The following AMER2 variants were observed in gnomAD, a reference collection of about 807,000 sequenced individuals.
AMER2 encodes family with sequence similarity 123A.
Under a neutral mutation model 4.7 loss-of-function variants are expected in AMER2, and 1 was observed. That is an observed-to-expected ratio of 0.21 (90% confidence interval 0.07 to 1.00). The LOEUF (loss-of-function observed/expected upper bound fraction) is 1.00. Among genes scored for constraint, AMER2 ranks in the 50% least tolerant of loss-of-function variants. The probability of loss-of-function intolerance (pLI) is 0.60; values close to 1 mark genes in which losing one functional copy is unlikely to be tolerated. For synonymous variants in AMER2, 485 were observed against 433.3 expected (o/e 1.12, Z -1.48); for missense variants, 988 against 966.9 (o/e 1.02, Z -0.29).
Position 25,171,210 on chromosome 13 carries a change from GGCCGCCCCCC to G in AMER2, c.400_409del (p.Gly134ArgfsTer31), listed in dbSNP as rs1431421456. 4 of 1,385,608 alleles carry G rather than the reference GGCCGCCCCCC, an allele frequency of 2.9e-6. No homozygotes were observed. Among genetic ancestry groups the G allele is most frequent in the South Asian group, 1.8e-5 (1 of 56,004 alleles). The allele number at this position is 1,385,608 out of a possible 1,614,324, so 85.8% of individuals were successfully genotyped here. On this transcript the variant is annotated frameshift_variant, in exon 1 of 1. Coordinates refer to ENST00000515384, the MANE Select transcript of AMER2 (RefSeq NM_152704.4). LOFTEE classifies it low-confidence loss of function (END_TRUNC). This position sits in a 1 kb window ranked among gnomAD's most constrained non-coding sequence, Gnocchi z 5.9. ...TGCGGCTCTGGGGGGCCCCGGGTTC[GGCCGCCCCCC>G]GCCGCCCCCGCCGCTGTCGCCCCCG...
rs1956451236 is a variant in AMER2 at position 25,164,318 on chromosome 13, C to T, written c.*5286G>A. On this transcript the variant is annotated 3_prime_UTR_variant, in exon 1 of 1. Transcript: ENST00000515384. ...ACAACAGAAGAGATTTCTGTCTGTACTTCCCACATTAATCCTAAGAGAAGA... is the reference window on the plus strand; with the variant it reads ...ACAACAGAAGAGATTTCTGTCTGTATTTCCCACATTAATCCTAAGAGAAGA... 1 of 151,980 alleles carries T rather than the reference C, an allele frequency of 6.6e-6. No homozygotes were observed. Among genetic ancestry groups the T allele is most frequent in the Non-Finnish European group, 1.5e-5 (1 of 68,018 alleles). The allele number at this position is 151,980 out of a possible 1,614,324, so 9.4% of individuals were successfully genotyped here.
chr13:25,165,685 A>G lies in AMER2; in HGVS notation c.*3919T>C, dbSNP rs1361569. The G allele has an allele frequency of 0.86, 130,682 of 152,272 alleles. 57,228 individuals carry two copies. Among genetic ancestry groups the G allele is most frequent in the South Asian group, 0.96 (4,652 of 4,828 alleles). The allele number at this position is 152,272 out of a possible 1,614,324, so 9.4% of individuals were successfully genotyped here. On this transcript the variant is annotated 3_prime_UTR_variant, in exon 1 of 1. Transcript: ENST00000515384. ...TGCTTATTCCTTATGTTTAACAGCA[A>G]AAAACTTCTTGAATTAATTTCTTAA...
rs2487593 is a variant in AMER2, at chr13:25,162,119, T to A, written c.*7485A>T. ...ATAACATCTATAAACCTACTAACAA[T>A]TTTCCTCCTGTGCACAAAAATAATA... On this transcript the variant is annotated 3_prime_UTR_variant, in exon 1 of 1. Coordinates refer to ENST00000515384, the MANE Select transcript of AMER2 (RefSeq NM_152704.4). The A allele has an allele frequency of 6.6e-6, 1 of 152,128 alleles. No individual in the cohort carries two copies. Among genetic ancestry groups the A allele is most frequent in the African/African-American group, 2.4e-5 (1 of 41,416 alleles). 9.4% of individuals were successfully genotyped at this position (152,128 alleles called of 1,614,324 possible). A position where few individuals can be genotyped will look rare whatever the true frequency, so the allele number is the denominator to read the frequency against.
chr13:25,171,319 C>T lies in AMER2; in HGVS notation c.301G>A (p.Val101Met). The T allele has an allele frequency of 7.5e-6, 12 of 1,608,322 alleles. No individual in the cohort carries two copies. The highest frequency in any genetic ancestry group is 1.0e-5 in the Non-Finnish European group (12 of 1,178,248). ...AGTCCGTCGTGGGTCCTGCTCCTCA[C>T]CAGCCCCGTCGGACCCGAGCTTTTC... is the stretch of plus-strand genomic sequence containing the variant. ...DGKSSGPTGL[V>M]RSRTHDGLAE... Residue 101 changes from valine (V) to methionine (M), a missense_variant, in exon 1 of 1, where the codon GTG becomes ATG. By Grantham distance (21) the Val-to-Met change is conservative. Transcript: ENST00000515384. This position sits in a 1 kb window ranked among gnomAD's most constrained non-coding sequence, Gnocchi z 5.9.
At position 25,170,786 on chromosome 13, in the gene AMER2, C is replaced by G. The variant is rs758012890; in HGVS notation, c.834G>C (p.Ala278=). 35 of 1,362,038 alleles carry G rather than the reference C, an allele frequency of 2.6e-5. No homozygotes were observed. In the South Asian group the frequency reaches 6.5e-4, roughly 25 times the overall value. 84.4% of individuals were successfully genotyped at this position (1,362,038 alleles called of 1,614,324 possible). ...GGCCCTCTGCCTCTCGGCAGCTCCGCGCTGGGGCGCGGTCGGCGGGGGCGG... is the reference window on the plus strand; with the variant it reads ...GGCCCTCTGCCTCTCGGCAGCTCCGGGCTGGGGCGCGGTCGGCGGGGGCGG... ...EVPAPADRAP[A]RSCREAEGLA... Residue 278 remains alanine (A), a synonymous_variant, in exon 1 of 1, where the codon GCG becomes GCC. Transcript: ENST00000515384. The surrounding 1 kb of genome is among the most constrained non-coding windows in gnomAD (Gnocchi z 7.3).
In AMER2 at chr13:25,170,279, C is replaced by T. The variant is rs762578153; in HGVS notation, c.1341G>A (p.Glu447=). The T allele has an allele frequency of 7.4e-6, 12 of 1,613,558 alleles. No homozygotes were observed. Among genetic ancestry groups the T allele is most frequent in the South Asian group, 1.1e-5 (1 of 91,006 alleles). ...CCTCCTGGGGCTCGGGTCCCTGCTC[C>T]TCGGTCTGGGAGAGCATGTCCCAGA... The part of the protein sequence containing the change: ...QEFWDMLSQT[E]EQGPEPQEGA... Residue 447 remains glutamate, a synonymous_variant, in exon 1 of 1, where the codon GAG becomes GAA. Transcript: ENST00000515384. The surrounding 1 kb of genome is among the most constrained non-coding windows in gnomAD (Gnocchi z 7.3).
In AMER2 at chr13:25,166,093, T is replaced by G. The variant is rs1956475602; in HGVS notation, c.*3511A>C. 1 of 152,264 alleles carries G rather than the reference T, an allele frequency of 6.6e-6. No individual in the cohort carries two copies. Among genetic ancestry groups the G allele is most frequent in the African/African-American group, 2.4e-5 (1 of 41,476 alleles). The allele number at this position is 152,264 out of a possible 1,614,324, so 9.4% of individuals were successfully genotyped here. On this transcript the variant is annotated 3_prime_UTR_variant, in exon 1 of 1. Coordinates refer to ENST00000515384, the MANE Select transcript of AMER2 (RefSeq NM_152704.4). ...TGTAAGCAAAGGGCTATTTGCATAC[T>G]GTTTAACTGCAAATACTTGAAGACT...
In AMER2 at chr13:25,170,174, G is replaced by T. The variant is rs139238510; in HGVS notation, c.1446C>A (p.Ala482=). ...TPKDTRCVEA[A]KDASSVKRRR... ...TGCGCTTGACCGAGGACGCGTCCTT[G>T]GCCGCTTCCACACACCTGGTGTCTT... is the stretch of plus-strand genomic sequence containing the variant. Residue 482 remains alanine, a synonymous_variant, in exon 1 of 1, where the codon GCC becomes GCA. Coordinates refer to ENST00000515384, the MANE Select transcript of AMER2 (RefSeq NM_152704.4). This position sits in a 1 kb window ranked among gnomAD's most constrained non-coding sequence, Gnocchi z 7.3. 5 of 1,613,704 alleles carry T rather than the reference G, an allele frequency of 3.1e-6. No individual in the cohort carries two copies. Among genetic ancestry groups the T allele is most frequent in the Non-Finnish European group, 4.2e-6 (5 of 1,179,842 alleles).
At position 25,164,222 on chromosome 13, in the gene AMER2, A is replaced by G. The variant is rs1040095769; in HGVS notation, c.*5382T>C. On this transcript the variant is annotated 3_prime_UTR_variant, in exon 1 of 1. Transcript: ENST00000515384. ...AGAACCCACCAAGATGGCTTAAGGT[A>G]GGAATAAAAACAAATGAAACAAATA... 2.0e-5 allele frequency: 3 copies of G among 152,158 alleles called. No individual in the cohort carries two copies. Among genetic ancestry groups the G allele is most frequent in the African/African-American group, 7.2e-5 (3 of 41,440 alleles). The allele number at this position is 152,158 out of a possible 1,614,324, so 9.4% of individuals were successfully genotyped here. A position where few individuals can be genotyped will look rare whatever the true frequency, so the allele number is the denominator to read the frequency against.
Position 25,171,790 on chromosome 13 carries a change from C to G in AMER2, c.-171G>C. ...GCTTATATAATACCCTAACCCACTT[C>G]CATCCGACTTGGCTCGGCGCTGCAT... is the stretch of plus-strand genomic sequence containing the variant. On this transcript the variant is annotated 5_prime_UTR_variant, in exon 1 of 1. Coordinates refer to ENST00000515384, the MANE Select transcript of AMER2 (RefSeq NM_152704.4). The surrounding 1 kb of genome is among the most constrained non-coding windows in gnomAD (Gnocchi z 5.9). 2.3e-6 allele frequency: 3 copies of G among 1,282,946 alleles called. No individual in the cohort carries two copies. Among genetic ancestry groups the G allele is most frequent in the Middle Eastern group, 2.9e-4 (1 of 3,502 alleles). The allele number at this position is 1,282,946 out of a possible 1,614,324, so 79.5% of individuals were successfully genotyped here. A position where few individuals can be genotyped will look rare whatever the true frequency, so the allele number is the denominator to read the frequency against.
At position 25,170,345 on chromosome 13, in the gene AMER2, C is replaced by A. The variant is rs779014352; in HGVS notation, c.1275G>T (p.Met425Ile). 1 of 1,614,100 alleles carries A rather than the reference C, an allele frequency of 6.2e-7. No homozygotes were observed. The highest frequency in any genetic ancestry group is 1.1e-5 in the South Asian group (1 of 91,078). The change falls in exon 1 of 1, where the codon ATG becomes ATT. Residue 425 changes from methionine (M) to isoleucine (I), a missense_variant. Met to Ile is a conservative substitution (Grantham distance 10). Coordinates refer to ENST00000515384, the MANE Select transcript of AMER2 (RefSeq NM_152704.4). This position sits in a 1 kb window ranked among gnomAD's most constrained non-coding sequence, Gnocchi z 7.3. Reference protein sequence around the residue: ...VVAYQGGGEEMASPDEVDDTY... With the variant: ...VVAYQGGGEEIASPDEVDDTY... ...TGTCGTCCACCTCGTCCGGGCTGGCCATCTCTTCCCCGCCTCCTTGGTAGG... is the reference window on the plus strand; with the variant it reads ...TGTCGTCCACCTCGTCCGGGCTGGCAATCTCTTCCCCGCCTCCTTGGTAGG...
Position 25,166,454 on chromosome 13 carries a change from A to T in AMER2, c.*3150T>A, listed in dbSNP as rs1593682991. 1 of 152,232 alleles carries T rather than the reference A, an allele frequency of 6.6e-6. No homozygotes were observed. The highest frequency in any genetic ancestry group is 1.5e-5 in the Non-Finnish European group (1 of 68,042). The allele number at this position is 152,232 out of a possible 1,614,324, so 9.4% of individuals were successfully genotyped here. On this transcript the variant is annotated 3_prime_UTR_variant, in exon 1 of 1. Coordinates refer to ENST00000515384, the MANE Select transcript of AMER2 (RefSeq NM_152704.4). ...TCTGTACTAAAGCAGAGTGTTTCAA[A>T]TAACAGTGTATGTGTAATATAGACA... is the stretch of plus-strand genomic sequence containing the variant.
In AMER2 at chr13:25,170,414, C is replaced by T. The variant is rs143803615; in HGVS notation, c.1206G>A (p.Gly402=). 4.6e-4 allele frequency: 740 copies of T among 1,613,958 alleles called. No individual in the cohort carries two copies. The highest frequency in any genetic ancestry group is 6.2e-4 in the Non-Finnish European group (729 of 1,179,990). Reference sequence around the variant, plus strand: ...TTTTAGACAGAGCCGGCTTGCCTGGCCCGGGGACATGCTTGTCACAGCTGG... The same window carrying T: ...TTTTAGACAGAGCCGGCTTGCCTGGTCCGGGGACATGCTTGTCACAGCTGG... ...AGPSCDKHVP[G]PGKPALSKKN... The change falls in exon 1 of 1, where the codon GGG becomes GGA. Residue 402 remains glycine, a synonymous_variant. Transcript: ENST00000515384. The surrounding 1 kb of genome is among the most constrained non-coding windows in gnomAD (Gnocchi z 7.3).
At position 25,163,595 on chromosome 13, in the gene AMER2, A is replaced by G. The variant is rs369890847; in HGVS notation, c.*6009T>C. 6.6e-6 allele frequency: 1 copy of G among 151,624 alleles called. No homozygotes were observed. The highest frequency in any genetic ancestry group is 2.4e-5 in the African/African-American group (1 of 41,206). 9.4% of individuals were successfully genotyped at this position (151,624 alleles called of 1,614,324 possible). ...TGAAATAAGCCAGTCACAGAAGGACAAATACTGCGCGTTTCCACTTCTATA... is the reference window on the plus strand; with the variant it reads ...TGAAATAAGCCAGTCACAGAAGGACGAATACTGCGCGTTTCCACTTCTATA... On this transcript the variant is annotated 3_prime_UTR_variant, in exon 1 of 1. Transcript: ENST00000515384.
Position 25,171,399 on chromosome 13 carries a change from CTCT to C in AMER2, c.218_220del (p.Lys73del), listed in dbSNP as rs771609991. On this transcript the variant is annotated inframe_deletion, in exon 1 of 1. Transcript: ENST00000515384. The surrounding 1 kb of genome is among the most constrained non-coding windows in gnomAD (Gnocchi z 5.9). ...GCTGGGCATGGTGCCACCCGATTTC[CTCT>C]TCTTGAATAATTTGAAGGCAGCTTT... 6.2e-7 allele frequency: 1 copy of C among 1,613,230 alleles called. No homozygotes were observed. Among genetic ancestry groups the C allele is most frequent in the South Asian group, 1.1e-5 (1 of 90,874 alleles).
Position 25,166,057 on chromosome 13 carries a change from C to T in AMER2, c.*3547G>A, listed in dbSNP as rs1444165271. 1 of 152,130 alleles carries T rather than the reference C, an allele frequency of 6.6e-6. No individual in the cohort carries two copies. Among genetic ancestry groups the T allele is most frequent in the Non-Finnish European group, 1.5e-5 (1 of 68,018 alleles). The allele number at this position is 152,130 out of a possible 1,614,324, so 9.4% of individuals were successfully genotyped here. A position where few individuals can be genotyped will look rare whatever the true frequency, so the allele number is the denominator to read the frequency against. ...TCAACACCTGACATAGTCTTTTTACCTGGATAATTGTGTAAGCAAAGGGCT... is the reference window on the plus strand; with the variant it reads ...TCAACACCTGACATAGTCTTTTTACTTGGATAATTGTGTAAGCAAAGGGCT... On this transcript the variant is annotated 3_prime_UTR_variant, in exon 1 of 1. Transcript: ENST00000515384.
Position 25,171,509 on chromosome 13 carries a change from C to T in AMER2, c.111G>A (p.Gly37=), listed in dbSNP as rs779764803. Residue 37 remains glycine, a synonymous_variant, in exon 1 of 1, where the codon GGG becomes GGA. Transcript: ENST00000515384. The surrounding 1 kb of genome is among the most constrained non-coding windows in gnomAD (Gnocchi z 5.9). ...GCAAGTCCATGTCTGCCGCGAGGGT[C>T]CCGGTCCCGGCCCCGGCCTCCGCCT... ...RRKAEAGAGT[G]TLAADMDLHC... is the part of the protein sequence containing the mutation. The T allele has an allele frequency of 4.2e-5, 68 of 1,601,710 alleles. No homozygotes were observed. The Admixed American group carries it at 1.1e-3, about 27-fold the overall frequency.
rs866224125 is a variant in AMER2 at position 25,164,676 on chromosome 13, A to G, written c.*4928T>C. Reference sequence around the variant, plus strand: ...GGGGAGATAATATTACCTACCCCACATGGCTGTTAAGAGGACTAAGTAATT... The same window carrying G: ...GGGGAGATAATATTACCTACCCCACGTGGCTGTTAAGAGGACTAAGTAATT... On this transcript the variant is annotated 3_prime_UTR_variant, in exon 1 of 1. Transcript: ENST00000515384. The G allele has an allele frequency of 2.3e-4, 34 of 147,240 alleles. No individual in the cohort carries two copies. In the Middle Eastern group the frequency reaches 0.01, roughly 45 times the overall value. 9.1% of individuals were successfully genotyped at this position (147,240 alleles called of 1,614,324 possible).
At position 25,167,414 on chromosome 13, in the gene AMER2, G is replaced by T. The variant is rs1047955882; in HGVS notation, c.*2190C>A. On this transcript the variant is annotated 3_prime_UTR_variant, in exon 1 of 1. Coordinates refer to ENST00000515384, the MANE Select transcript of AMER2 (RefSeq NM_152704.4). ...TATTTTGAGCCTAAATAGTACCAGCGGCATGAAATCAAATGTAAATCCCTT... is the reference window on the plus strand; with the variant it reads ...TATTTTGAGCCTAAATAGTACCAGCTGCATGAAATCAAATGTAAATCCCTT... The T allele has an allele frequency of 2.6e-5, 4 of 152,050 alleles. No homozygotes were observed. Among genetic ancestry groups the T allele is most frequent in the Non-Finnish European group, 5.9e-5 (4 of 67,984 alleles). 9.4% of individuals were successfully genotyped at this position (152,050 alleles called of 1,614,324 possible). A position where few individuals can be genotyped will look rare whatever the true frequency, so the allele number is the denominator to read the frequency against.
Sources: gnomAD v4.1 joint callset for allele counts on GRCh38, gnomAD v4.1.1 for gene constraint, Gnocchi (gnomAD v3.1) non-coding constraint, MANE v1.5 for transcripts, NCBI Gene and HGNC (gene_info 2026-07-23, HGNC 2026-07-21) for gene names.